The following EPG5 variants were observed in gnomAD, a reference collection of about 807,000 sequenced individuals.
EPG5 encodes the protein ectopic P granules protein 5 homolog.
EPG5 carries 159 observed loss-of-function variants against 302.7 expected under a neutral mutation model. The observed-to-expected ratio is 0.53, with a 90% CI of 0.46 to 0.60. EPG5 has a LOEUF of 0.60. EPG5 is among the 20% of genes least tolerant of loss of function. EPG5 has a pLI of 0.00. For missense variants in EPG5, 2,896 were observed against 3,092.4 expected, an observed-to-expected ratio of 0.94 and a Z score of 1.51; for synonymous variants, 1,158 against 1,136.8, an observed-to-expected ratio of 1.02 and a Z score of -0.37.
chr18:45,814,719 G>A, the EPG5 span, among the ~76,000 whole-genome samples: 1 of 152,308 alleles, frequency 6.6e-6, no homozygotes, highest in South Asian at 2.1e-4. Flanking sequence ...CCAAAATCCT[G>A]AGAAATTGAA....
chr18:45,893,774 A>C (rs1023309607), intron 27 of EPG5, among the ~76,000 whole-genome samples: 3 of 152,200 alleles, frequency 2.0e-5, no homozygotes, highest in Non-Finnish European at 4.4e-5. Flanking sequence ...TGAGTATTTA[A>C]GTATGGAAAG....
intron 9 of EPG5, among the ~76,000 whole-genome samples, chr18:45,940,437 A>G (rs2050637806): frequency 6.6e-6 from 1 of 152,172 alleles, no homozygotes; most frequent in Non-Finnish European, 1.5e-5. Flanking sequence ...GTTTAAGAAT[A>G]CACTGAGGTG....
At chr18:45,915,690 G>C (rs750396349) in intron 19 of EPG5, 69 bp from the exon 20 acceptor site, 1 of 1,173,456 alleles carries the variant, frequency 8.5e-7, no homozygotes, top group East Asian at 2.3e-5. Context: ...CTTTACAAGA[G>C]TATCAGCAAC....
At chr18:45,946,935 A>C (rs1301323884) in intron 6 of EPG5, among the ~76,000 whole-genome samples, 167 bp from the exon 7 acceptor site, 1 of 152,228 alleles carries the variant, frequency 6.6e-6, no homozygotes, top group East Asian at 1.9e-4. Context: ...AACTGCACTA[A>C]TTTTGGTGGA....
intron 27 of EPG5, among the ~76,000 whole-genome samples, chr18:45,893,164 T>C (rs9807578): frequency 0.62 from 94,039 of 152,046 alleles, 29,312 homozygotes; most frequent in Non-Finnish European, 0.64. Flanking sequence ...AATTTAGACA[T>C]ATGCAGGCTT....
chr18:45,943,703 C>T (rs542910595), intron 8 of EPG5, among the ~76,000 whole-genome samples: 101 of 152,222 alleles, frequency 6.6e-4, no homozygotes, highest in African/African-American at 2.4e-3. Context: ...GGGCGGATCA[C>T]GAAGTCAGGA....
intron 36 of EPG5, among the ~76,000 whole-genome samples, chr18:45,869,839 T>C (rs2048832377): frequency 6.7e-6 from 1 of 149,768 alleles, no homozygotes; most frequent in African/African-American, 2.5e-5. Context: ...GTCTCAACAA[T>C]AAATGTGACA....
chr18:45,877,288 A>G (rs1285677617), intron 34 of EPG5, among the ~76,000 whole-genome samples: 1 of 152,116 alleles, frequency 6.6e-6, no homozygotes, highest in African/African-American at 2.4e-5. Flanking sequence ...ACGTGGTAGC[A>G]TGCATTTGTA....
At chr18:45,824,966 CAGA>C in the EPG5 span, among the ~76,000 whole-genome samples, 5 of 151,904 alleles carry the variant, frequency 3.3e-5, no homozygotes, top group African/African-American at 9.7e-5. Flanking sequence ...GGGAAGGGGG[CAGA>C]AGGACAGGGA....
the EPG5 span, chr18:45,829,191 G>A: frequency 1.5e-4 from 151 of 978,832 alleles, no homozygotes; most frequent in Non-Finnish European, 1.7e-4. Context: ...CAGGTAAGCA[G>A]GGCCACACCC....
At chr18:45,925,667 T>C (rs919395682) in intron 14 of EPG5, 71 bp downstream of exon 14, 1 of 1,246,384 alleles carries the variant, frequency 8.0e-7, no homozygotes, top group Non-Finnish European at 1.1e-6. Context: ...TGTTAGTGTT[T>C]TGACAAAATC....
chr18:45,937,233 TATACACAC>T (rs1343146148), intron 10 of EPG5, among the ~76,000 whole-genome samples: 40 of 76,320 alleles, frequency 5.2e-4, no homozygotes, highest in East Asian at 1.8e-3. Context: ...TATACATATA[TATACACAC>T]ACACACACAC....
In EPG5 at chr18:45,858,665, T is replaced by A. The variant is rs1425579964; in HGVS notation, c.7127A>T (p.Tyr2376Phe). ...GTTTAAACACTGAAGCAAGTAGACG[T>A]AAAGAGTCAAGTAACTGCCCAAGGT... Reference protein sequence around the residue: ...CLTLGSYLTLYVYLLQCLNSE... With the variant: ...CLTLGSYLTLFVYLLQCLNSE... Residue 2376 changes from tyrosine to phenylalanine, a missense_variant, in exon 41 of 44, where the codon TAC becomes TTC. Coordinates refer to ENST00000282041, the MANE Select transcript of EPG5 (RefSeq NM_020964.3). The A allele has an allele frequency of 3.1e-6, 5 of 1,614,108 alleles. No individual in the cohort carries two copies. Among genetic ancestry groups the A allele is most frequent in the Non-Finnish European group, 3.4e-6 (4 of 1,180,000 alleles).
At position 45,865,601 on chromosome 18, in the gene EPG5, G is replaced by C. The variant is rs533238977; in HGVS notation, c.6766+14C>G. On this transcript the variant is annotated intron_variant, in intron 39 of 43. Coordinates refer to ENST00000282041, the MANE Select transcript of EPG5 (RefSeq NM_020964.3). ...TTGACTGAATGAATACAGGACTTCC[G>C]ACTGGTCACTTACCGGGCGGGTTAA... 6.2e-7 allele frequency: 1 copy of C among 1,613,234 alleles called. No individual in the cohort carries two copies. The highest frequency in any genetic ancestry group is 8.5e-7 in the Non-Finnish European group (1 of 1,179,548).
At chr18:45,915,466 A>C (rs760005354) in intron 20 of EPG5, 45 bp downstream of exon 20, 2 of 1,330,668 alleles carry the variant, frequency 1.5e-6, no homozygotes, top group African/African-American at 2.9e-5. Flanking sequence ...TCATGAGATT[A>C]AAGTTCACAA....
chr18:45,954,983 T>A lies in EPG5; in HGVS notation c.419A>T (p.Glu140Val). 2 of 1,614,190 alleles carry A rather than the reference T, an allele frequency of 1.2e-6. No homozygotes were observed. The highest frequency in any genetic ancestry group is 1.7e-6 in the Non-Finnish European group (2 of 1,180,016). The part of the protein sequence containing the change: ...TKVETPKNFT[E>V]VEENMSVQGG... ...TTGTACCGACATATTTTCCTCTACC[T>A]CTGTGAAGTTCTTGGGGGTTTCTAC... Residue 140 changes from glutamate to valine, a missense_variant, in exon 2 of 44, where the codon GAG (glutamate) becomes GTG (valine). Glu to Val is a moderately radical substitution (Grantham distance 121). This residue lies in a region of EPG5 where 1,390 missense variants were observed against 1,430.0 expected (regional missense o/e 0.97). Transcript: ENST00000282041.
At chr18:45,837,082 G>T in the EPG5 span, 1 of 1,611,710 alleles carries the variant, frequency 6.2e-7, no homozygotes, top group South Asian at 1.1e-5. Flanking sequence ...CAACACAGAG[G>T]TGCACAGTAA....
chr18:45,891,928 A>G (rs2049360428), intron 27 of EPG5, among the ~76,000 whole-genome samples: 1 of 152,200 alleles, frequency 6.6e-6, no homozygotes, highest in Admixed American at 6.5e-5. Flanking sequence ...TTTTTGTTCA[A>G]TACATCACCA....
intron 13 of EPG5, among the ~76,000 whole-genome samples, chr18:45,927,370 T>A (rs942098682): frequency 6.6e-6 from 1 of 152,142 alleles, no homozygotes; most frequent in African/African-American, 2.4e-5. Flanking sequence ...AAAATGACCA[T>A]GTACTGCCAC....
Sources: gnomAD v4.1 joint callset for allele counts (sites outside exome capture counted in the v4.1 genomes callset) on GRCh38, gnomAD v4.1.1 for gene constraint, gnomAD v4.1.1 regional missense constraint, MANE v1.5 for transcripts, NCBI Gene and HGNC (gene_info 2026-07-23, HGNC 2026-07-21) for gene names.